Variants in LRP2BP observed in about 807,000 individuals in gnomAD.
LRP2BP encodes the protein LRP2 binding protein.
LRP2BP carries 38 observed loss-of-function variants against 45.2 expected under a neutral mutation model. The ratio of observed to expected loss-of-function variants is 0.84; its 90% CI spans 0.65 to 1.10. The LOEUF (loss-of-function observed/expected upper bound fraction) is 1.10, where lower values mean the gene tolerates loss of function less well. LRP2BP is among the 50% of genes least tolerant of loss of function. LRP2BP has a pLI of 0.00. For missense variants in LRP2BP, 385 were observed against 418.9 expected (o/e 0.92, Z 0.71); for synonymous variants, 153 against 153.9 (o/e 0.99, Z 0.04).
intron 8 of LRP2BP, among the ~76,000 whole-genome samples, chr4:185,367,913 C>T (rs762237253): frequency 3.1e-4 from 47 of 152,324 alleles, no homozygotes; most frequent in Admixed American, 8.5e-4. Flanking sequence ...GGCGCGGTAG[C>T]TCACACCTGT....
At position 185,395,257 on chromosome 4, in the gene LRP2BP, G is replaced by A. The variant is rs944121133; in HGVS notation, c.-500C>T. 10 of 985,270 alleles carry A rather than the reference G, an allele frequency of 1.0e-5. No homozygotes were observed. The highest frequency in any genetic ancestry group is 1.2e-5 in the Non-Finnish European group (10 of 829,912). 61.0% of individuals were successfully genotyped at this position (985,270 alleles called of 1,614,324 possible). A position where few individuals can be genotyped will look rare whatever the true frequency, so the allele number is the denominator to read the frequency against. Reference sequence around the variant, plus strand: ...ATACTGAACAGAATCTTGTTTCAAAGAAAAGATATGAAATATGGAGGCACT... The same window carrying A: ...ATACTGAACAGAATCTTGTTTCAAAAAAAAGATATGAAATATGGAGGCACT... On this transcript the variant is annotated 5_prime_UTR_variant, in exon 1 of 9. Transcript: ENST00000505916.
At chr4:185,368,875 C>G (rs1298003570) in intron 8 of LRP2BP, among the ~76,000 whole-genome samples, 4 of 150,938 alleles carry the variant, frequency 2.7e-5, no homozygotes, top group Non-Finnish European at 5.9e-5. Context: ...CTCACTGCAG[C>G]CTCCTCCTTG....
At position 185,395,362 on chromosome 4, in the gene LRP2BP, TATTA is replaced by T. The variant is rs1425556350; in HGVS notation, c.-609_-606del. ...CTGTAAGAACGTGTCTGATACCCTT[TATTA>T]GTTAGGAATTCCTGAAAATGAACTT... On this transcript the variant is annotated 5_prime_UTR_variant, in exon 1 of 9. Coordinates refer to ENST00000505916, the MANE Select transcript of LRP2BP (RefSeq NM_001377440.1). The T allele has an allele frequency of 3.3e-5, 33 of 985,436 alleles. 1 individual carries two copies. In the South Asian group the frequency reaches 7.5e-4, roughly 22 times the overall value. The allele number at this position is 985,436 out of a possible 1,614,324, so 61.0% of individuals were successfully genotyped here.
chr4:185,397,138 C>G (rs1214555053), upstream of LRP2BP: 3 of 1,613,014 alleles, frequency 1.9e-6, no homozygotes, highest in Non-Finnish European at 2.5e-6. Context: ...TGGATCTGTT[C>G]TCTTCCTGCA....
chr4:185,391,556 C>T (rs1481145430), intron 1 of LRP2BP, among the ~76,000 whole-genome samples: 3 of 152,162 alleles, frequency 2.0e-5, no homozygotes, highest in Non-Finnish European at 4.4e-5. Context: ...TCATGGATAA[C>T]TATGTACTGA....
At position 185,395,561 on chromosome 4, in the gene LRP2BP, A is replaced by G. The variant is rs913354392; in HGVS notation, c.-804T>C. 1.9e-5 allele frequency: 17 copies of G among 916,444 alleles called. No homozygotes were observed. Among genetic ancestry groups the G allele is most frequent in the Non-Finnish European group, 2.2e-5 (17 of 772,502 alleles). 56.8% of individuals were successfully genotyped at this position (916,444 alleles called of 1,614,324 possible). ...TTAAAAGATATTGTGAATAGTTTAA[A>G]TATTAAAAATGTGGAATATAAGAAC... On this transcript the variant is annotated 5_prime_UTR_variant, in exon 1 of 9. Transcript: ENST00000505916.
chr4:185,374,582 G>T (rs1451742024), intron 4 of LRP2BP, 121 bp from the exon 5 acceptor site: 7 of 1,032,390 alleles, frequency 6.8e-6, no homozygotes, highest in South Asian at 4.9e-5. Flanking sequence ...CTATGAATCT[G>T]TGCCCAAGGG....
In LRP2BP at chr4:185,395,501, A is replaced by G; in HGVS notation, c.-744T>C. On this transcript the variant is annotated 5_prime_UTR_variant, in exon 1 of 9. Transcript: ENST00000505916. ...CGTGTGCTCACCTCACAAATCTGAC[A>G]ACAGTATCTCTACACTGCCGTTCTT... The G allele has an allele frequency of 1.0e-6, 1 of 985,294 alleles. No homozygotes were observed. Among genetic ancestry groups the G allele is most frequent in the East Asian group, 1.1e-4 (1 of 8,824 alleles). 61.0% of individuals were successfully genotyped at this position (985,294 alleles called of 1,614,324 possible). A position where few individuals can be genotyped will look rare whatever the true frequency, so the allele number is the denominator to read the frequency against.
At chr4:185,371,470 AG>A (rs2095415228) in intron 7 of LRP2BP, among the ~76,000 whole-genome samples, 2 of 151,156 alleles carry the variant, frequency 1.3e-5, no homozygotes, top group African/African-American at 4.9e-5. Flanking sequence ...TGAACCCGGA[AG>A]GCAGAGCTTG....
upstream of LRP2BP, chr4:185,397,043 C>G (rs1171216640): frequency 6.8e-6 from 11 of 1,608,840 alleles, 1 homozygote; most frequent in South Asian, 1.2e-4. Context: ...GACCACTGGG[C>G]GCTGCCTGGT....
chr4:185,395,070 G>A lies in LRP2BP; in HGVS notation c.-313C>T. On this transcript the variant is annotated 5_prime_UTR_variant, in exon 1 of 9. Transcript: ENST00000505916. ...TAGGCCCATTACTAAAGTCAAGTCA[G>A]ATATCCAGCTGAGATACAACTTTTT... 1 of 975,296 alleles carries A rather than the reference G, an allele frequency of 1.0e-6. No homozygotes were observed. The highest frequency in any genetic ancestry group is 1.2e-6 in the Non-Finnish European group (1 of 826,956). 60.4% of individuals were successfully genotyped at this position (975,296 alleles called of 1,614,324 possible).
Position 185,367,254 on chromosome 4 carries a change from C to A in LRP2BP, c.979-9G>T, listed in dbSNP as rs760220444. On this transcript the variant is annotated splice_polypyrimidine_tract_variant and intron_variant, in intron 8 of 8. Transcript: ENST00000505916. ...GGATTCAGACGACAAGCCTTAAAATCAAAAAGAGTCAGATATTTAGATACA... is the reference window on the plus strand; with the variant it reads ...GGATTCAGACGACAAGCCTTAAAATAAAAAAGAGTCAGATATTTAGATACA... 2.1e-5 allele frequency: 33 copies of A among 1,602,760 alleles called. No homozygotes were observed. The highest frequency in any genetic ancestry group is 1.8e-4 in the African/African-American group (13 of 74,154).
Position 185,395,346 on chromosome 4 carries a change from C to T in LRP2BP, c.-589G>A, listed in dbSNP as rs2095499005. 1.0e-6 allele frequency: 1 copy of T among 985,372 alleles called. No individual in the cohort carries two copies. The highest frequency in any genetic ancestry group is 1.2e-6 in the Non-Finnish European group (1 of 829,900). 61.0% of individuals were successfully genotyped at this position (985,372 alleles called of 1,614,324 possible). On this transcript the variant is annotated 5_prime_UTR_variant, in exon 1 of 9. Transcript: ENST00000505916. ...GTATTTATGTTCAAAACTGTAAGAA[C>T]GTGTCTGATACCCTTTATTAGTTAG... is the stretch of plus-strand genomic sequence containing the variant.
At chr4:185,382,613 G>A (rs1045566028) in intron 1 of LRP2BP, among the ~76,000 whole-genome samples, 1 of 152,122 alleles carries the variant, frequency 6.6e-6, no homozygotes, top group African/African-American at 2.4e-5. Flanking sequence ...AAATCATGTT[G>A]AGCATCTTTT....
At position 185,374,340 on chromosome 4, in the gene LRP2BP, C is replaced by A. The variant is rs765318312; in HGVS notation, c.452G>T (p.Arg151Leu). The A allele has an allele frequency of 6.2e-7, 1 of 1,613,904 alleles. No homozygotes were observed. Among genetic ancestry groups the A allele is most frequent in the Non-Finnish European group, 8.5e-7 (1 of 1,179,992 alleles). The change falls in exon 5 of 9, where the codon CGA becomes CTA. Residue 151 changes from arginine to leucine, a missense_variant. Arg to Leu is a moderately radical substitution (Grantham distance 102). Coordinates refer to ENST00000505916, the MANE Select transcript of LRP2BP (RefSeq NM_001377440.1). ...RAYYEGKGVKRSNEEAERLWL... is the reference protein window; with the variant it reads ...RAYYEGKGVKLSNEEAERLWL... ...TTACCTTTCAGCTTCCTCATTTGAT[C>A]GTTTAACACCTTTTCCTTCATAATA...
At chr4:185,392,925 T>G (rs1326447027) in intron 1 of LRP2BP, among the ~76,000 whole-genome samples, 2 of 152,198 alleles carry the variant, frequency 1.3e-5, no homozygotes, top group Non-Finnish European at 2.9e-5. Flanking sequence ...GGCCAGCTAC[T>G]GGGATTTTTA....
intron 1 of LRP2BP, among the ~76,000 whole-genome samples, chr4:185,391,640 C>T (rs527892535): frequency 6.6e-6 from 1 of 152,224 alleles, no homozygotes; most frequent in Admixed American, 6.5e-5. Flanking sequence ...CTCCTGGGTC[C>T]CTTTCACATG....
At chr4:185,397,009 C>T, upstream of LRP2BP, 1 of 1,610,716 alleles carries the variant, frequency 6.2e-7, no homozygotes, top group African/African-American at 1.3e-5. Context: ...CTTCTAGATT[C>T]GTCTTCTCGT....
At chr4:185,393,910 G>A (rs1329524420) in intron 1 of LRP2BP, among the ~76,000 whole-genome samples, 1 of 152,148 alleles carries the variant, frequency 6.6e-6, no homozygotes, top group African/African-American at 2.4e-5. Flanking sequence ...TACACTGACA[G>A]TCATTATTAA....
Sources: allele counts gnomAD v4.1 joint callset (sites outside exome capture counted in the v4.1 genomes callset), GRCh38; gene constraint gnomAD v4.1.1; transcripts MANE v1.5; gene names NCBI Gene and HGNC (gene_info 2026-07-23, HGNC 2026-07-21).